Variants in PCDHGA11 observed in about 807,000 individuals in gnomAD.
PCDHGA11 encodes protocadherin gamma subfamily A, 11.
In PCDHGA11, 39 loss-of-function variants were observed where a neutral mutation model predicts 60.4. The observed-to-expected ratio is 0.65, with a 90% CI of 0.50 to 0.84. PCDHGA11 has a LOEUF of 0.84. PCDHGA11 is among the 40% of genes least tolerant of loss of function. The probability of loss-of-function intolerance (pLI) is 0.00; values close to 1 mark genes in which losing one functional copy is unlikely to be tolerated. For missense variants in PCDHGA11, 1,165 were observed against 1,197.7 expected, an observed-to-expected ratio of 0.97 and a Z score of 0.40; for synonymous variants, 533 against 510.3, an observed-to-expected ratio of 1.04 and a Z score of -0.60.
At chr5:141,483,425 G>A (rs1460083757) in intron 1 of PCDHGA11, among the ~76,000 whole-genome samples, 1 of 152,116 alleles carries the variant, frequency 6.6e-6, no homozygotes, top group Non-Finnish European at 1.5e-5. Flanking sequence ...ACAGATGGAG[G>A]GAGCTGACTA....
intron 2 of PCDHGA11, among the ~76,000 whole-genome samples, chr5:141,499,937 C>T (rs1257575594): frequency 6.6e-6 from 1 of 152,082 alleles, no homozygotes; most frequent in Non-Finnish European, 1.5e-5. Context: ...ATCCACCCTC[C>T]TCGGCCTCCC....
chr5:141,427,973 C>T (rs754410723), intron 1 of PCDHGA11: 3 of 1,594,054 alleles, frequency 1.9e-6, no homozygotes, highest in Non-Finnish European at 2.6e-6. Context: ...TGCTGTACCC[C>T]GCGCTGGGGC....
chr5:141,496,723 T>G (rs1312615861), intron 2 of PCDHGA11, among the ~76,000 whole-genome samples: 3 of 152,212 alleles, frequency 2.0e-5, no homozygotes, highest in Non-Finnish European at 4.4e-5. Context: ...AAGTCATTAA[T>G]GTATTCATTC....
chr5:141,471,206 T>C (rs113465424), intron 1 of PCDHGA11: 16,891 of 151,686 alleles, frequency 0.11, 970 homozygotes, highest in South Asian at 0.15. Context: ...CCCACCCCCA[T>C]GCCTGGCAAT....
At chr5:141,509,599 A>G (rs964564148) in intron 3 of PCDHGA11, among the ~76,000 whole-genome samples, 6 of 152,158 alleles carry the variant, frequency 3.9e-5, no homozygotes, top group African/African-American at 1.4e-4. Context: ...CAATTCCGAG[A>G]GGCTGCATTC....
At chr5:141,426,850 C>T in intron 1 of PCDHGA11, 1 of 456,734 alleles carries the variant, frequency 2.2e-6, no homozygotes. Context: ...GGCAAGAACG[C>T]TCCAGAATTA....
chr5:141,435,929 G>A (rs926025053), intron 1 of PCDHGA11, among the ~76,000 whole-genome samples: 10 of 152,134 alleles, frequency 6.6e-5, no homozygotes, highest in African/African-American at 2.4e-4. Flanking sequence ...TGCGGCAGTT[G>A]CTGCTTCTGA....
intron 1 of PCDHGA11, chr5:141,428,158 G>A: frequency 6.3e-7 from 1 of 1,577,728 alleles, no homozygotes; most frequent in Non-Finnish European, 8.7e-7. Context: ...GGAACCTGCT[G>A]GTTGCTGTGC....
intron 1 of PCDHGA11, among the ~76,000 whole-genome samples, chr5:141,436,538 A>G (rs1353206648): frequency 6.6e-6 from 1 of 152,194 alleles, no homozygotes; most frequent in Admixed American, 6.5e-5. Context: ...CAAGTTATTT[A>G]ATCTCTTTGA....
chr5:141,473,626 G>A lies in PCDHGA11; in HGVS notation c.2434-21181G>A, dbSNP rs149882847. ...GCAAAGCAAAGGGAGGGAGGAAAAA[G>A]CAGCTTTCCTGGCAAAGGAACAATT... On this transcript the variant is annotated intron_variant, in intron 1 of 3. Transcript: ENST00000398587. Among the ~76,000 whole-genome samples, 1,234 of 152,276 alleles carry A rather than the reference G, an allele frequency of 8.1e-3. 14 individuals are homozygous for A. Among genetic ancestry groups the A allele is most frequent in the Non-Finnish European group, 0.011 (715 of 68,020 alleles).
intron 2 of PCDHGA11, among the ~76,000 whole-genome samples, chr5:141,500,194 T>G (rs994324188): frequency 2.1e-4 from 31 of 147,918 alleles, no homozygotes; most frequent in African/African-American, 7.7e-4. Context: ...TTTTATTTAT[T>G]TATTTATTTA....
chr5:141,504,206 A>C (rs1209911822), intron 2 of PCDHGA11, among the ~76,000 whole-genome samples: 1 of 152,218 alleles, frequency 6.6e-6, no homozygotes, highest in East Asian at 1.9e-4. Context: ...CTGTGGGAAA[A>C]TTCCAAGTAG....
chr5:141,482,611 G>C (rs1016481108), intron 1 of PCDHGA11, among the ~76,000 whole-genome samples: 4 of 150,398 alleles, frequency 2.7e-5, no homozygotes, highest in Non-Finnish European at 5.9e-5. Context: ...ACACCTAAAT[G>C]AGCCTGGAGA....
At chr5:141,467,055 C>CTTTTTTTTTTTT (rs1193465269) in intron 1 of PCDHGA11, among the ~76,000 whole-genome samples, 1 of 134,498 alleles carries the variant, frequency 7.4e-6, no homozygotes. Context: ...TCAATGTTTT[C>CTTTTTTTTTTTT]TTTTTTTTTT....
intron 1 of PCDHGA11, among the ~76,000 whole-genome samples, chr5:141,470,752 C>T (rs1427502169): frequency 6.6e-6 from 1 of 152,178 alleles, no homozygotes; most frequent in Non-Finnish European, 1.5e-5. Flanking sequence ...GGCTGGAGTG[C>T]AGTGGACTCA....
intron 1 of PCDHGA11, among the ~76,000 whole-genome samples, chr5:141,446,764 G>A (rs2098514605): frequency 6.6e-6 from 1 of 152,214 alleles, no homozygotes; most frequent in Non-Finnish European, 1.5e-5. Context: ...ACCGCGCCCA[G>A]CCGGTTACCA....
At chr5:141,450,014 T>A (rs867473620) in intron 1 of PCDHGA11, among the ~76,000 whole-genome samples, 7,114 of 149,588 alleles carry the variant, frequency 0.048, 422 homozygotes, top group African/African-American at 0.13. Context: ...CTCTTTTTTT[T>A]TTTTTTTTTT....
intron 1 of PCDHGA11, chr5:141,430,816 C>G: frequency 6.5e-7 from 1 of 1,538,128 alleles, no homozygotes. Context: ...TGGGAATCCT[C>G]CTGGGGACTC....
intron 2 of PCDHGA11, among the ~76,000 whole-genome samples, chr5:141,500,310 G>A (rs1327269551): frequency 6.6e-6 from 1 of 151,740 alleles, no homozygotes; most frequent in Non-Finnish European, 1.5e-5. Flanking sequence ...CCAGGTTCAC[G>A]CCATGCTCCT....
Sources: gnomAD v4.1 joint callset for allele counts (sites outside exome capture counted in the v4.1 genomes callset) on GRCh38, gnomAD v4.1.1 for gene constraint, MANE v1.5 for transcripts, NCBI Gene and HGNC (gene_info 2026-07-23, HGNC 2026-07-21) for gene names.